Variants in NDST4 observed in about 807,000 individuals in gnomAD.
NDST4 encodes the protein N-heparan sulfate sulfotransferase 4.
In NDST4, 63 loss-of-function variants were observed where a neutral mutation model predicts 100.8. The ratio of observed to expected loss-of-function variants is 0.62; its 90% CI spans 0.51 to 0.77. The LOEUF is 0.77. NDST4 is among the 30% of genes least tolerant of loss of function. The pLI, the probability that NDST4 is intolerant of heterozygous loss-of-function variation, is 0.00. For synonymous variants in NDST4, 377 were observed against 361.8 expected, an observed-to-expected ratio of 1.04 and a Z score of -0.48; for missense variants, 943 against 1,018.4, an observed-to-expected ratio of 0.93 and a Z score of 1.01.
intron 2 of NDST4, among the ~76,000 whole-genome samples, chr4:114,992,475 G>T (rs968281923): frequency 7.3e-5 from 11 of 151,198 alleles, no homozygotes; most frequent in South Asian, 2.1e-4. Flanking sequence ...ATTTACATTA[G>T]GATTCACTGG....
intron 2 of NDST4, among the ~76,000 whole-genome samples, chr4:115,012,781 A>C (rs1275723158): frequency 2.6e-5 from 4 of 152,034 alleles, no homozygotes; most frequent in Non-Finnish European, 5.9e-5. Flanking sequence ...AAAACGTGGA[A>C]GCAATCTAAT....
At chr4:115,082,480 C>T (rs1051948638) in intron 1 of NDST4, among the ~76,000 whole-genome samples, 7 of 152,088 alleles carry the variant, frequency 4.6e-5, no homozygotes, top group Admixed American at 3.9e-4. Flanking sequence ...AAGCTAGATA[C>T]TAAATCACAT....
intron 2 of NDST4, among the ~76,000 whole-genome samples, chr4:115,011,530 C>T (rs1055788951): frequency 1.3e-5 from 2 of 151,636 alleles, no homozygotes; most frequent in Admixed American, 1.3e-4. Flanking sequence ...TATGAACTAA[C>T]ATTTCTTGTA....
At chr4:114,871,488 C>T (rs1724148148) in intron 6 of NDST4, among the ~76,000 whole-genome samples, 1 of 151,986 alleles carries the variant, frequency 6.6e-6, no homozygotes, top group African/African-American at 2.4e-5. Flanking sequence ...CTTTTCATAC[C>T]CCAATATTAA....
At chr4:114,961,296 G>GA (rs541830526) in intron 4 of NDST4, among the ~76,000 whole-genome samples, 1 of 150,614 alleles carries the variant, frequency 6.6e-6, no homozygotes, top group East Asian at 1.9e-4. Context: ...GTAAAACATT[G>GA]AAAAAAAGCG....
intron 2 of NDST4, among the ~76,000 whole-genome samples, chr4:115,055,973 G>T (rs569719637): frequency 3.9e-4 from 59 of 152,180 alleles, no homozygotes; most frequent in African/African-American, 1.4e-3. Flanking sequence ...TTTTTTAAAA[G>T]AAACTTGTAA....
chr4:114,945,803 G>A (rs960563924), intron 4 of NDST4, among the ~76,000 whole-genome samples: 9 of 152,100 alleles, frequency 5.9e-5, no homozygotes, highest in African/African-American at 2.2e-4. Context: ...ATTTTCCACT[G>A]TGTTTAGGGG....
At chr4:115,092,114 A>G (rs1451817491) in intron 1 of NDST4, among the ~76,000 whole-genome samples, 1 of 152,338 alleles carries the variant, frequency 6.6e-6, no homozygotes, top group Non-Finnish European at 1.5e-5. Flanking sequence ...AAAAGTAGCC[A>G]TAGAGCAAAT....
chr4:115,025,033 C>A (rs1001951950), intron 2 of NDST4, among the ~76,000 whole-genome samples: 1 of 152,160 alleles, frequency 6.6e-6, no homozygotes, highest in African/African-American at 2.4e-5. Context: ...AGGCCCTTAG[C>A]AGATGCTGGT....
chr4:114,933,168 T>C (rs945105902), intron 6 of NDST4, among the ~76,000 whole-genome samples: 9 of 152,070 alleles, frequency 5.9e-5, no homozygotes, highest in Non-Finnish European at 1.2e-4. Context: ...AATAAATCTA[T>C]GCACTTACAG....
chr4:114,866,986 T>TAA (rs1724040380), intron 7 of NDST4, among the ~76,000 whole-genome samples: 1 of 152,166 alleles, frequency 6.6e-6, no homozygotes, highest in African/African-American at 2.4e-5. Flanking sequence ...TTTTTAATTG[T>TAA]AAAACCACCA....
chr4:114,904,808 A>C (rs1724916063), intron 6 of NDST4, among the ~76,000 whole-genome samples: 1 of 151,934 alleles, frequency 6.6e-6, no homozygotes, highest in South Asian at 2.1e-4. Context: ...TCTCTTCTCT[A>C]ATTACTGTAG....
intron 6 of NDST4, among the ~76,000 whole-genome samples, chr4:114,894,301 A>C (rs1724666543): frequency 6.6e-6 from 1 of 152,182 alleles, no homozygotes; most frequent in Non-Finnish European, 1.5e-5. Context: ...TTTGCTGAGA[A>C]TAGCATTGAA....
chr4:115,071,928 C>A (rs996903653), intron 2 of NDST4, among the ~76,000 whole-genome samples: 1 of 151,970 alleles, frequency 6.6e-6, no homozygotes, highest in Admixed American at 6.6e-5. Flanking sequence ...CAATTCCATT[C>A]AAATTTCTCA....
intron 6 of NDST4, among the ~76,000 whole-genome samples, chr4:114,893,494 A>T (rs946800598): frequency 1.3e-5 from 2 of 152,064 alleles, no homozygotes; most frequent in Non-Finnish European, 2.9e-5. Context: ...TCTGATGATC[A>T]GTGATGTTGA....
chr4:115,026,925 T>C (rs1057106079), intron 2 of NDST4, among the ~76,000 whole-genome samples: 17 of 152,166 alleles, frequency 1.1e-4, no homozygotes, highest in Non-Finnish European at 5.9e-5. Context: ...AGGCTACAAC[T>C]TGCATTTGAA....
intron 6 of NDST4, among the ~76,000 whole-genome samples, chr4:114,912,064 A>G (rs1725074055): frequency 1.3e-5 from 2 of 152,156 alleles, no homozygotes; most frequent in South Asian, 4.1e-4. Context: ...AACATCCAAA[A>G]TGTAAAAGGG....
chr4:115,104,609 A>C (rs1346256879), intron 1 of NDST4, among the ~76,000 whole-genome samples: 1 of 152,146 alleles, frequency 6.6e-6, no homozygotes, highest in Non-Finnish European at 1.5e-5. Flanking sequence ...TTTCTCTGGG[A>C]TATAGTATGT....
chr4:115,025,308 T>A (rs906422319), intron 2 of NDST4, among the ~76,000 whole-genome samples: 2 of 152,170 alleles, frequency 1.3e-5, no homozygotes, highest in Non-Finnish European at 2.9e-5. Flanking sequence ...AAAGAGATAT[T>A]GAGTAGAATA....
Sources: allele counts gnomAD v4.1 joint callset (sites outside exome capture counted in the v4.1 genomes callset), GRCh38; gene constraint gnomAD v4.1.1; transcripts MANE v1.5; gene names NCBI Gene and HGNC (gene_info 2026-07-23, HGNC 2026-07-21).